Variants in STAB2 observed in about 807,000 individuals in gnomAD.
STAB2 encodes the protein stabilin 2.
Under a neutral mutation model 338.1 loss-of-function variants are expected in STAB2, and 288 were observed. The observed-to-expected ratio is 0.85, with a 90% CI of 0.77 to 0.94. The LOEUF (loss-of-function observed/expected upper bound fraction) is 0.94, where lower values mean the gene tolerates loss of function less well. Among genes scored for constraint, STAB2 ranks in the 40% least tolerant of loss-of-function variants. STAB2 has a pLI of 0.00. For missense variants in STAB2, 3,141 were observed against 3,210.1 expected, an observed-to-expected ratio of 0.98 and a Z score of 0.52; for synonymous variants, 1,202 against 1,193.3, an observed-to-expected ratio of 1.01 and a Z score of -0.15.
rs776511930 is a variant in STAB2 at position 103,755,664 on chromosome 12, T to C, written c.6933T>C (p.Ser2311=). 3.6e-5 allele frequency: 58 copies of C among 1,614,042 alleles called. 1 individual carries two copies. The Admixed American group carries it at 7.8e-4, about 22-fold the overall frequency. The change falls in exon 63 of 69, where the codon AGT becomes AGC. Residue 2311 remains serine, a synonymous_variant. Transcript: ENST00000388887. ...ATGTGGGAGATGGCTTCTCATGCAG[T>C]GGGAACCTGCTGCAGGTCCTGATGT... The part of the protein sequence containing the change: ...VGYVGDGFSC[S]GNLLQVLMSF...
intron 25 of STAB2, among the ~76,000 whole-genome samples, chr12:103,682,149 TGATGGGAA>T (rs112020995): frequency 0.4 from 60,602 of 151,320 alleles, 12,118 homozygotes; most frequent in Non-Finnish European, 0.41. Flanking sequence ...AAAAACATCC[TGATGGGAA>T]GATGGGAAGA....
chr12:103,650,639 C>A, intron 11 of STAB2, 61 bp downstream of exon 11: 3 of 1,352,000 alleles, frequency 2.2e-6, no homozygotes. Flanking sequence ...GTAGGGAGTA[C>A]CTTCTTTTAT....
chr12:103,692,955 A>C, intron 31 of STAB2, 66 bp downstream of exon 31: 1 of 1,375,488 alleles, frequency 7.3e-7, no homozygotes, highest in Admixed American at 2.2e-5. Flanking sequence ...CGTCCTATAC[A>C]GCATTTTTTT....
At chr12:103,712,194 T>G (rs1792285897) in intron 40 of STAB2, among the ~76,000 whole-genome samples, 173 bp from the exon 41 acceptor site, 1 of 152,186 alleles carries the variant, frequency 6.6e-6, no homozygotes. Context: ...CAGTTTTAGC[T>G]GCTTGTGGTG....
chr12:103,677,431 G>C (rs1449179707), intron 24 of STAB2, 22 bp from the exon 25 acceptor site: 2 of 1,594,224 alleles, frequency 1.3e-6, no homozygotes, highest in South Asian at 2.2e-5. Flanking sequence ...CAGAGGCTTT[G>C]CTTTTTCTTT....
rs763542424 is a variant in STAB2 at position 103,726,132 on chromosome 12, C to T, written c.4820C>T (p.Pro1607Leu). The T allele has an allele frequency of 8.9e-5, 143 of 1,613,714 alleles. No individual in the cohort carries two copies. The South Asian group carries it at 9.1e-4, about 10-fold the overall frequency. Residue 1607 changes from proline (P) to leucine (L), a missense_variant, in exon 46 of 69, where the codon CCG becomes CTG. Transcript: ENST00000388887. The stretch of plus-strand genomic sequence containing the variant: ...TGTTTGCAGGAGCTTCCCAAGAACC[C>T]GAAAACTTCCCAGTATTTCTTCCAG... ...GSIYQELPKN[P>L]KTSQYFFQLQ...
At chr12:103,736,289 A>G (rs1026296750) in intron 52 of STAB2, among the ~76,000 whole-genome samples, 1 of 152,154 alleles carries the variant, frequency 6.6e-6, no homozygotes, top group Non-Finnish European at 1.5e-5. Flanking sequence ...CACCATGTCT[A>G]CTTTCCAGGC....
chr12:103,682,473 A>C (rs572989714), intron 25 of STAB2, among the ~76,000 whole-genome samples: 1 of 152,322 alleles, frequency 6.6e-6, no homozygotes, highest in South Asian at 2.1e-4. Flanking sequence ...CTGGAGCCAA[A>C]TGTTTCTAAA....
rs901767691 is a variant in STAB2, at chr12:103,684,930, G to A, written c.2902-59G>A. ...AGATGGAGCCTGTCGTCTCATAGAT[G>A]TAACTCAGGTCTAACGTTTTTGTTG... On this transcript the variant is annotated intron_variant, in intron 26 of 68. Coordinates refer to ENST00000388887, the MANE Select transcript of STAB2 (RefSeq NM_017564.10). The A allele has an allele frequency of 1.1e-5, 17 of 1,543,326 alleles. No homozygotes were observed. In the South Asian group the frequency reaches 1.3e-4, roughly 12 times the overall value.
Position 103,704,616 on chromosome 12 carries a change from T to G in STAB2, c.3900+2T>G. The G allele has an allele frequency of 6.2e-7, 1 of 1,613,678 alleles. No homozygotes were observed. The highest frequency in any genetic ancestry group is 8.5e-7 in the Non-Finnish European group (1 of 1,179,786). The stretch of plus-strand genomic sequence containing the variant: ...TGCCCATTCGGAACTAAATCTCTAG[T>G]AAGTACTTTGTCTGTTTTGATAAAA... On this transcript the variant is annotated splice_donor_variant, in intron 36 of 68. Coordinates refer to ENST00000388887, the MANE Select transcript of STAB2 (RefSeq NM_017564.10). LOFTEE classifies it high-confidence loss of function.
At chr12:103,690,333 A>G (rs1427025789) in intron 29 of STAB2, 91 bp from the exon 30 acceptor site, 16 of 1,157,020 alleles carry the variant, frequency 1.4e-5, no homozygotes, top group African/African-American at 6.2e-5. Flanking sequence ...GACTATGGCA[A>G]TCTGGCTCCA....
intron 31 of STAB2, 21 bp downstream of exon 31, chr12:103,692,910 G>A (rs1215451156): frequency 2.5e-6 from 4 of 1,598,352 alleles, no homozygotes; most frequent in Admixed American, 3.4e-5. Flanking sequence ...CCATTCTCCT[G>A]TGCGTGCAGC....
chr12:103,742,490 C>A lies in STAB2; in HGVS notation c.5967C>A (p.Asn1989Lys), dbSNP rs374046789. The A allele has an allele frequency of 1.6e-5, 26 of 1,614,010 alleles. No homozygotes were observed. The African/African-American group carries it at 3.5e-4, about 22-fold the overall frequency. Reference sequence around the variant, plus strand: ...CGGCCACCGGAGAGTGTAAATGCAACACCGGCTTCAATGGGACGGCGTGTG... The same window carrying A: ...CGGCCACCGGAGAGTGTAAATGCAAAACCGGCTTCAATGGGACGGCGTGTG... ...QYSATGECKC[N>K]TGFNGTACEM... The change falls in exon 56 of 69, where the codon AAC (asparagine) becomes AAA (lysine). Residue 1989 changes from asparagine to lysine, a missense_variant. Transcript: ENST00000388887.
At chr12:103,623,496 G>C (rs1957335482) in intron 5 of STAB2, among the ~76,000 whole-genome samples, 1 of 152,182 alleles carries the variant, frequency 6.6e-6, no homozygotes, top group African/African-American at 2.4e-5. Flanking sequence ...AGGAGTGTCA[G>C]AGTTACGAAA....
At chr12:103,690,583 T>TTA in intron 30 of STAB2, 45 bp downstream of exon 30, 1 of 1,518,168 alleles carries the variant, frequency 6.6e-7, no homozygotes, top group Non-Finnish European at 9.1e-7. Flanking sequence ...CATAACAGCT[T>TTA]TGTTTATATT....
intron 44 of STAB2, among the ~76,000 whole-genome samples, chr12:103,718,208 T>G (rs147700478): frequency 7.2e-5 from 11 of 152,236 alleles, no homozygotes; most frequent in Middle Eastern, 6.8e-3. Flanking sequence ...CTCCTTATTC[T>G]CCTAGACTTA....
chr12:103,711,457 G>C lies in STAB2; in HGVS notation c.4289-14G>C, dbSNP rs1416060629. 5 of 1,613,936 alleles carry C rather than the reference G, an allele frequency of 3.1e-6. No individual in the cohort carries two copies. Among genetic ancestry groups the C allele is most frequent in the South Asian group, 1.1e-5 (1 of 91,088 alleles). ...AGTAAGAGGGCTAAGACAGCAACTG[G>C]TTCTCTTTTTCAGCAACCACAGAAG... On this transcript the variant is annotated splice_polypyrimidine_tract_variant and intron_variant, in intron 39 of 68. Transcript: ENST00000388887.
chr12:103,626,384 A>G (rs908179815), intron 5 of STAB2, among the ~76,000 whole-genome samples: 2 of 152,214 alleles, frequency 1.3e-5, no homozygotes, highest in Non-Finnish European at 2.9e-5. Flanking sequence ...CAGCCTGACC[A>G]TAGTTTGAAA....
chr12:103,637,999 T>G lies in STAB2; in HGVS notation c.710-17T>G. On this transcript the variant is annotated splice_polypyrimidine_tract_variant and intron_variant, in intron 7 of 68. Coordinates refer to ENST00000388887, the MANE Select transcript of STAB2 (RefSeq NM_017564.10). ...CCCGTTAACTAACTGCCTCTCATTTTGCTGTTGCCTCTCAAGCCATCAATC... is the reference window on the plus strand; with the variant it reads ...CCCGTTAACTAACTGCCTCTCATTTGGCTGTTGCCTCTCAAGCCATCAATC... 3.7e-6 allele frequency: 6 copies of G among 1,600,946 alleles called. No homozygotes were observed. Among genetic ancestry groups the G allele is most frequent in the Non-Finnish European group, 4.3e-6 (5 of 1,169,440 alleles).
Sources: gnomAD v4.1 joint callset for allele counts (sites outside exome capture counted in the v4.1 genomes callset) on GRCh38, gnomAD v4.1.1 for gene constraint, MANE v1.5 for transcripts, NCBI Gene and HGNC (gene_info 2026-07-23, HGNC 2026-07-21) for gene names.